PLXDC2: variants seen among roughly 807,000 people sequenced by gnomAD.
The protein encoded by PLXDC2 is plexin domain-containing protein 2.
In PLXDC2, 40 loss-of-function variants were observed where a neutral mutation model predicts 68.9. The observed-to-expected ratio is 0.58, with a 90% confidence interval of 0.45 to 0.76. The LOEUF is 0.76. PLXDC2 is among the 30% of genes least tolerant of loss of function. The pLI is 0.00. For synonymous variants in PLXDC2, 243 were observed against 234.2 expected (o/e 1.04, Z -0.34); for missense variants, 644 against 661.9 (o/e 0.97, Z 0.30).
intron 6 of PLXDC2, among the ~76,000 whole-genome samples, chr10:20,161,935 G>A (rs757197322): frequency 3.3e-5 from 5 of 151,862 alleles, no homozygotes; most frequent in Admixed American, 6.6e-5. Context: ...GGAGGCTGAG[G>A]TAGGAGAATT....
intron 13 of PLXDC2, among the ~76,000 whole-genome samples, chr10:20,248,930 G>A (rs1002942952): frequency 1.3e-5 from 2 of 152,112 alleles, no homozygotes; most frequent in Non-Finnish European, 2.9e-5. Flanking sequence ...ACCATTCTTT[G>A]TAGGAAATTG....
At chr10:19,892,836 A>T (rs987115086) in intron 1 of PLXDC2, among the ~76,000 whole-genome samples, 9 of 152,134 alleles carry the variant, frequency 5.9e-5, no homozygotes, top group Non-Finnish European at 8.8e-5. Context: ...CTATAAATAA[A>T]ACCCTTAGTA....
intron 4 of PLXDC2, among the ~76,000 whole-genome samples, chr10:20,119,270 C>T (rs531540842): frequency 6.6e-6 from 1 of 152,078 alleles, no homozygotes; most frequent in Non-Finnish European, 1.5e-5. Flanking sequence ...GTTTATTTCA[C>T]CTGGGTGCAG....
chr10:19,829,154 C>CTTTTTT (rs71388870), intron 1 of PLXDC2, among the ~76,000 whole-genome samples: 60 of 94,412 alleles, frequency 6.4e-4, no homozygotes, highest in African/African-American at 2.6e-3. Flanking sequence ...ACGCTTTCCT[C>CTTTTTT]TTTTTTTTTT....
intron 1 of PLXDC2, among the ~76,000 whole-genome samples, chr10:19,884,973 T>C (rs1388834337): frequency 6.6e-6 from 1 of 152,198 alleles, no homozygotes; most frequent in African/African-American, 2.4e-5. Flanking sequence ...CCACCAACAG[T>C]GTAGAAGTGT....
At chr10:20,100,024 A>G (rs1833402103) in intron 4 of PLXDC2, among the ~76,000 whole-genome samples, 1 of 152,230 alleles carries the variant, frequency 6.6e-6, no homozygotes, top group South Asian at 2.1e-4. Flanking sequence ...GCATGAGTCT[A>G]ACAACTTATT....
At chr10:20,269,491 A>G (rs935853470) in intron 13 of PLXDC2, among the ~76,000 whole-genome samples, 1 of 152,192 alleles carries the variant, frequency 6.6e-6, no homozygotes, top group African/African-American at 2.4e-5. Flanking sequence ...TGTTCTGGCT[A>G]AGCAGAGAGG....
chr10:20,038,514 G>A (rs1835620623), intron 2 of PLXDC2, among the ~76,000 whole-genome samples: 1 of 152,148 alleles, frequency 6.6e-6, no homozygotes, highest in Admixed American at 6.6e-5. Flanking sequence ...TGTATACCAT[G>A]TAATTGTTCT....
chr10:20,266,841 C>T (rs72795933), intron 13 of PLXDC2, among the ~76,000 whole-genome samples: 3,208 of 152,094 alleles, frequency 0.021, 53 homozygotes, highest in Middle Eastern at 0.071. Context: ...CGTTTTTATC[C>T]CCAAGGGCAA....
chr10:20,025,453 G>A (rs1835383674), intron 2 of PLXDC2, among the ~76,000 whole-genome samples: 4 of 151,968 alleles, frequency 2.6e-5, no homozygotes, highest in South Asian at 2.1e-4. Flanking sequence ...GTAAAGACAG[G>A]GTTTCTCCTT....
intron 4 of PLXDC2, among the ~76,000 whole-genome samples, chr10:20,088,308 A>G (rs770670614): frequency 7.9e-5 from 12 of 152,226 alleles, no homozygotes; most frequent in Non-Finnish European, 1.3e-4. Context: ...TTTAGTGAAG[A>G]TCCCCAAGGC....
intron 1 of PLXDC2, among the ~76,000 whole-genome samples, chr10:19,826,334 G>T (rs908656939): frequency 6.6e-6 from 1 of 151,886 alleles, no homozygotes; most frequent in Non-Finnish European, 1.5e-5. Context: ...TGAATTTTTT[G>T]TTGTTGTCAT....
chr10:20,178,320 A>C (rs1051841058), intron 9 of PLXDC2, among the ~76,000 whole-genome samples: 1 of 152,256 alleles, frequency 6.6e-6, no homozygotes, highest in Non-Finnish European at 1.5e-5. Context: ...CAGAGACTGA[A>C]TAATCATTTG....
intron 6 of PLXDC2, 137 bp from the exon 7 acceptor site, chr10:20,164,331 C>A: frequency 1.4e-6 from 1 of 706,768 alleles, no homozygotes; most frequent in Non-Finnish European, 2.4e-6. Flanking sequence ...TCTCTCTTTT[C>A]TAATACCTTT....
At chr10:20,231,100 G>A (rs1835358679) in intron 12 of PLXDC2, among the ~76,000 whole-genome samples, 2 of 151,476 alleles carry the variant, frequency 1.3e-5, no homozygotes, top group South Asian at 4.2e-4. Context: ...ATTCCACAAT[G>A]TATATATATA....
At chr10:20,124,840 G>T (rs1179313282) in intron 4 of PLXDC2, among the ~76,000 whole-genome samples, 2 of 76,378 alleles carry the variant, frequency 2.6e-5, no homozygotes, top group Admixed American at 2.1e-4. Flanking sequence ...TTTTGTGGTG[G>T]AATGTCATCA....
In PLXDC2 at chr10:20,052,367, T is replaced by A. The variant is rs542339947; in HGVS notation, c.471+5352T>A. Among the ~76,000 whole-genome samples, 11 of 152,160 alleles carry A rather than the reference T, an allele frequency of 7.2e-5. 1 individual carries two copies. The South Asian group carries it at 2.1e-3, about 29-fold the overall frequency. ...TCTCTGTTTCATTTCCATTGTGACT[T>A]TCTGAGAATAAAATCAAGTAGTTAC... On this transcript the variant is annotated intron_variant, in intron 3 of 13. Coordinates refer to ENST00000377252, the MANE Select transcript of PLXDC2 (RefSeq NM_032812.9).
At chr10:20,271,294 T>C (rs879603098) in intron 13 of PLXDC2, among the ~76,000 whole-genome samples, 22 of 152,114 alleles carry the variant, frequency 1.4e-4, no homozygotes, top group Non-Finnish European at 2.8e-4. Flanking sequence ...AGCTAAGTCA[T>C]TGATAACCTT....
chr10:20,127,119 G>A (rs191324226), intron 4 of PLXDC2, among the ~76,000 whole-genome samples: 2 of 152,082 alleles, frequency 1.3e-5, no homozygotes, highest in Admixed American at 6.6e-5. Flanking sequence ...ATAGACTCTC[G>A]ATTTGGGAAT....
Sources: allele counts gnomAD v4.1 joint callset (sites outside exome capture counted in the v4.1 genomes callset), GRCh38; gene constraint gnomAD v4.1.1; transcripts MANE v1.5; gene names NCBI Gene and HGNC (gene_info 2026-07-23, HGNC 2026-07-21).